CDON: variants seen among roughly 807,000 people sequenced by gnomAD.
CDON encodes cell adhesion associated, oncogene regulated, also known as cell adhesion molecule-related/down-regulated by oncogenes.
In CDON, 73 loss-of-function variants were observed where a neutral mutation model predicts 120.9. The observed-to-expected ratio is 0.60, with a 90% CI of 0.50 to 0.73. The LOEUF (loss-of-function observed/expected upper bound fraction) is 0.73. Among genes scored for constraint, CDON ranks in the 30% least tolerant of loss-of-function variants. The pLI is 0.00. For synonymous variants in CDON, 566 were observed against 573.5 expected (o/e 0.99, Z 0.19); for missense variants, 1,470 against 1,587.3 (o/e 0.93, Z 1.26).
intron 18 of CDON, among the ~76,000 whole-genome samples, chr11:125,969,151 A>C (rs1308839939): frequency 1.3e-5 from 2 of 152,194 alleles, no homozygotes; most frequent in Non-Finnish European, 2.9e-5. Flanking sequence ...GGCATGCGCC[A>C]CCATGCCCAG....
chr11:125,995,492 T>C (rs904634768), intron 12 of CDON, among the ~76,000 whole-genome samples: 2 of 152,226 alleles, frequency 1.3e-5, no homozygotes, highest in Admixed American at 6.5e-5. Context: ...ATACGGTGAA[T>C]ACACTCATAA....
At chr11:125,972,382 ACAC>A (rs2134395696) in intron 18 of CDON, among the ~76,000 whole-genome samples, 1 of 152,190 alleles carries the variant, frequency 6.6e-6, no homozygotes, top group East Asian at 1.9e-4. Context: ...AGCCAAGACT[ACAC>A]CACTGCACTC....
At chr11:125,991,204 T>C (rs953439302) in intron 14 of CDON, among the ~76,000 whole-genome samples, 9 of 152,242 alleles carry the variant, frequency 5.9e-5, no homozygotes, top group Non-Finnish European at 1.2e-4. Context: ...TAATATTCCA[T>C]TGTTATAGTT....
At chr11:126,008,536 A>G (rs1480011795) in intron 8 of CDON, among the ~76,000 whole-genome samples, 1 of 152,190 alleles carries the variant, frequency 6.6e-6, no homozygotes, top group Non-Finnish European at 1.5e-5. Context: ...TAGTTCACAT[A>G]ACTTCAAAGG....
At chr11:125,996,197 CACACACACAA>C (rs1163725642) in intron 12 of CDON, among the ~76,000 whole-genome samples, 6 of 125,984 alleles carry the variant, frequency 4.8e-5, no homozygotes, top group Non-Finnish European at 8.7e-5. Context: ...CACACACACA[CACACACACAA>C]AGATGTACAC....
intron 1 of CDON, among the ~76,000 whole-genome samples, chr11:126,043,840 T>C (rs897575752): frequency 6.6e-6 from 1 of 152,324 alleles, no homozygotes; most frequent in Admixed American, 6.5e-5. Context: ...AATCTGCGGA[T>C]GGATTTCAGG....
chr11:126,037,662 G>A lies in CDON; in HGVS notation c.-61-14125C>T, dbSNP rs1193816928. On this transcript the variant is annotated intron_variant, in intron 1 of 19. Coordinates refer to ENST00000531738, the MANE Select transcript of CDON (RefSeq NM_001378964.1). The stretch of plus-strand genomic sequence containing the variant: ...AGCAATTGAATTTAAAACTTTTTTG[G>A]TATAAAAAAGTTTCAAAACATGACA... Among the ~76,000 whole-genome samples the A allele has an allele frequency of 4.0e-5, 6 of 151,836 alleles. No individual in the cohort carries two copies. The East Asian group carries it at 1.2e-3, about 29-fold the overall frequency.
intron 15 of CDON, among the ~76,000 whole-genome samples, chr11:125,987,682 TTA>T (rs762721694): frequency 1.4e-4 from 21 of 152,210 alleles, no homozygotes; most frequent in Non-Finnish European, 2.4e-4. Context: ...TTATAATGTT[TTA>T]TGTTTTGTCT....
chr11:126,033,991 C>G (rs1400702327), intron 1 of CDON, among the ~76,000 whole-genome samples: 1 of 152,152 alleles, frequency 6.6e-6, no homozygotes, highest in Non-Finnish European at 1.5e-5. Flanking sequence ...TGCAGGATCT[C>G]AGACACCAAG....
At chr11:125,984,144 T>A (rs1218560613) in intron 15 of CDON, 51 bp from the exon 16 acceptor site, 7 of 1,285,332 alleles carry the variant, frequency 5.4e-6, no homozygotes, top group Non-Finnish European at 7.9e-6. Context: ...ACAGACTCCA[T>A]GAAATGGTTT....
chr11:126,003,442 A>C (rs1947014054), intron 10 of CDON, among the ~76,000 whole-genome samples: 1 of 152,214 alleles, frequency 6.6e-6, no homozygotes, highest in African/African-American at 2.4e-5. Flanking sequence ...AGGACAATAC[A>C]ATCACGTAAA....
intron 15 of CDON, among the ~76,000 whole-genome samples, chr11:125,986,744 C>T (rs965180829): frequency 8.1e-5 from 12 of 148,858 alleles, no homozygotes; most frequent in Admixed American, 4.0e-4. Flanking sequence ...CAGCCCTGGG[C>T]GACAGAGTGA....
chr11:126,015,468 G>A lies in CDON; in HGVS notation c.971C>T (p.Ser324Phe). 1 of 1,613,868 alleles carries A rather than the reference G, an allele frequency of 6.2e-7. No homozygotes were observed. The highest frequency in any genetic ancestry group is 8.5e-7 in the Non-Finnish European group (1 of 1,179,798). The change falls in exon 7 of 20, where the codon TCT (serine) becomes TTT (phenylalanine). Residue 324 changes from serine to phenylalanine, a missense_variant. Ser to Phe is a radical substitution (Grantham distance 155). Coordinates refer to ENST00000531738, the MANE Select transcript of CDON (RefSeq NM_001378964.1). ...ISKGLQDQIVSLGATVHFTCD... is the reference protein window; with the variant it reads ...ISKGLQDQIVFLGATVHFTCD... ...GGTAAAGTGTACTGTGGCACCCAGA[G>A]ACACTATCTGATCCTGTAGTCCTTT...
chr11:126,000,746 G>C (rs1415186665), intron 11 of CDON, among the ~76,000 whole-genome samples: 1 of 152,150 alleles, frequency 6.6e-6, no homozygotes, highest in Non-Finnish European at 1.5e-5. Context: ...AAGATACAGA[G>C]GTGCTTCGGA....
chr11:126,040,032 C>T (rs902617371), intron 1 of CDON, among the ~76,000 whole-genome samples: 1 of 152,084 alleles, frequency 6.6e-6, no homozygotes, highest in South Asian at 2.1e-4. Flanking sequence ...AAATCATAGC[C>T]AAGGAAGGGT....
chr11:125,989,737 A>C lies in CDON; in HGVS notation c.2673T>G (p.Ile891Met). Residue 891 changes from isoleucine (I) to methionine (M), a missense_variant, in exon 15 of 20, where the codon ATT (isoleucine) becomes ATG (methionine). Physicochemically the swap from Ile to Met is conservative, Grantham distance 10 (BLOSUM62 1). Coordinates refer to ENST00000531738, the MANE Select transcript of CDON (RefSeq NM_001378964.1). The part of the protein sequence containing the change: ...VVEGSKQWHM[I>M]GHLQPETSYD... ...AGGAGGTTTCTGGCTGCAGGTGGCC[A>C]ATCATGTGCCACTGCTTTGAACCTA... 2.5e-6 allele frequency: 4 copies of C among 1,613,124 alleles called. No homozygotes were observed. Among genetic ancestry groups the C allele is most frequent in the Non-Finnish European group, 3.4e-6 (4 of 1,179,254 alleles).
chr11:126,021,573 G>C (rs975412964), intron 2 of CDON, 53 bp from the exon 3 acceptor site: 29 of 1,440,056 alleles, frequency 2.0e-5, no homozygotes, highest in African/African-American at 4.2e-5. Context: ...AAAGAGGAGA[G>C]AGAAAGAAGA....
At chr11:126,007,305 G>C (rs146356221) in intron 8 of CDON, among the ~76,000 whole-genome samples, 96 of 152,338 alleles carry the variant, frequency 6.3e-4, no homozygotes, top group Admixed American at 1.2e-3. Context: ...TAGTTTAAAA[G>C]AGAGAAAGGG....
intron 1 of CDON, among the ~76,000 whole-genome samples, chr11:126,032,661 C>T (rs1404137457): frequency 1.3e-5 from 2 of 152,010 alleles, no homozygotes; most frequent in South Asian, 2.1e-4. Context: ...AGAAATATCA[C>T]GGGATAAATT....
Sources: allele counts gnomAD v4.1 joint callset (sites outside exome capture counted in the v4.1 genomes callset), GRCh38; gene constraint gnomAD v4.1.1; transcripts MANE v1.5; gene names NCBI Gene and HGNC (gene_info 2026-07-23, HGNC 2026-07-21).